Variants in RSF1 observed in about 807,000 individuals in gnomAD.
RSF1 encodes the protein HBV pX-associated protein 8.
RSF1 carries 13 observed loss-of-function variants against 145.2 expected under a neutral mutation model. The ratio of observed to expected loss-of-function variants is 0.09; its 90% CI spans 0.06 to 0.14. The LOEUF is 0.14. Among genes scored for constraint, RSF1 ranks in the 10% least tolerant of loss-of-function variants. RSF1 has a pLI of 1.00. For synonymous variants in RSF1, 577 were observed against 592.6 expected (o/e 0.97, Z 0.38); for missense variants, 1,517 against 1,718.2 (o/e 0.88, Z 2.07).
At chr11:77,698,780 A>G (rs894306010) in intron 6 of RSF1, 87 bp from the exon 7 acceptor site, 5 of 1,111,714 alleles carry the variant, frequency 4.5e-6, no homozygotes, top group Non-Finnish European at 6.7e-6. Flanking sequence ...GTATAATAAT[A>G]TTCAGCCAAT....
chr11:77,804,528 T>A (rs1948658106), intron 1 of RSF1, among the ~76,000 whole-genome samples: 1 of 152,164 alleles, frequency 6.6e-6, no homozygotes, highest in Admixed American at 6.5e-5. Context: ...CAGGTCTATA[T>A]AAGCACATGG....
the RSF1 span, among the ~76,000 whole-genome samples, chr11:77,845,682 G>A: frequency 6.6e-5 from 10 of 152,052 alleles, no homozygotes; most frequent in African/African-American, 1.7e-4. Flanking sequence ...CACCCACCTC[G>A]GCCTCCCAAA....
chr11:77,752,310 C>A (rs1948071094), intron 2 of RSF1, among the ~76,000 whole-genome samples: 1 of 152,170 alleles, frequency 6.6e-6, no homozygotes, highest in South Asian at 2.1e-4. Flanking sequence ...CTCCATCTTC[C>A]CTTTTTTGTT....
At chr11:77,727,831 G>T (rs1565161841) in intron 4 of RSF1, among the ~76,000 whole-genome samples, 1 of 152,002 alleles carries the variant, frequency 6.6e-6, no homozygotes, top group Non-Finnish European at 1.5e-5. Flanking sequence ...ATTTATTAAA[G>T]AACAACTCCC....
chr11:77,677,922 A>G (rs756527036), intron 12 of RSF1, among the ~76,000 whole-genome samples, 164 bp downstream of exon 12: 5 of 152,232 alleles, frequency 3.3e-5, no homozygotes, highest in Non-Finnish European at 7.3e-5. Flanking sequence ...ATACACTGAC[A>G]TTGTATCCAC....
intron 1 of RSF1, among the ~76,000 whole-genome samples, chr11:77,793,627 C>T (rs1483607067): frequency 6.6e-6 from 1 of 152,180 alleles, no homozygotes; most frequent in Non-Finnish European, 1.5e-5. Context: ...AGTAGCTAAA[C>T]ATATATCAGA....
the RSF1 span, among the ~76,000 whole-genome samples, chr11:77,863,616 T>C: frequency 6.2e-4 from 95 of 152,292 alleles, no homozygotes; most frequent in African/African-American, 2.0e-3. Flanking sequence ...CTTGAACTCC[T>C]GGCCTCAAGA....
At chr11:77,826,401 T>G in the RSF1 span, among the ~76,000 whole-genome samples, 3 of 152,112 alleles carry the variant, frequency 2.0e-5, no homozygotes, top group South Asian at 4.2e-4. Context: ...TTATTATGTT[T>G]TATGTCTTTT....
At chr11:77,832,410 T>G in the RSF1 span, among the ~76,000 whole-genome samples, 1 of 151,440 alleles carries the variant, frequency 6.6e-6, no homozygotes, top group Non-Finnish European at 1.5e-5. Flanking sequence ...CGCTGCAACC[T>G]CCGCCTCCCG....
Position 77,676,940 on chromosome 11 carries a change from T to C in RSF1, c.3193A>G (p.Thr1065Ala), listed in dbSNP as rs975181396. ...ITGHRGKDIS[T>A]ILDEERKENK... ...TCTTTTCTTTCTTCATCCAAAATAG[T>C]AGAGATGTCTTTCCCACGATGACCT... Residue 1065 changes from threonine (T) to alanine (A), a missense_variant, in exon 13 of 16, where the codon ACT (threonine) becomes GCT (alanine). Coordinates refer to ENST00000308488, the MANE Select transcript of RSF1 (RefSeq NM_016578.4). 3.1e-6 allele frequency: 5 copies of C among 1,611,194 alleles called. No homozygotes were observed. Among genetic ancestry groups the C allele is most frequent in the Non-Finnish European group, 4.2e-6 (5 of 1,178,542 alleles).
intron 5 of RSF1, among the ~76,000 whole-genome samples, chr11:77,707,038 A>G (rs1695392519): frequency 1.3e-5 from 2 of 152,152 alleles, no homozygotes; most frequent in Admixed American, 1.3e-4. Flanking sequence ...ATTTTATCTG[A>G]TCCTTTCCCT....
the RSF1 span, chr11:77,831,862 ATTT>A: frequency 5.6e-4 from 45 of 80,802 alleles, no homozygotes; most frequent in Middle Eastern, 6.0e-3. Flanking sequence ...TGCCTGGCTA[ATTT>A]TTTTTTTTTT....
intron 2 of RSF1, among the ~76,000 whole-genome samples, chr11:77,757,605 G>A (rs1948128661): frequency 6.6e-6 from 1 of 152,134 alleles, no homozygotes. Context: ...TTGAACCCGG[G>A]AAGCGGAGGT....
At chr11:77,733,025 T>C (rs1426607724) in intron 4 of RSF1, among the ~76,000 whole-genome samples, 2 of 152,228 alleles carry the variant, frequency 1.3e-5, no homozygotes, top group African/African-American at 2.4e-5. Context: ...AGAATAAAGA[T>C]GCTATGAACA....
chr11:77,763,771 TG>T (rs1948198906), intron 2 of RSF1: 1 of 152,098 alleles, frequency 6.6e-6, no homozygotes, highest in South Asian at 2.1e-4. Flanking sequence ...AACAAACTGG[TG>T]GGAAGGTACT....
At chr11:77,756,901 A>C (rs1458965661) in intron 2 of RSF1, among the ~76,000 whole-genome samples, 1 of 152,212 alleles carries the variant, frequency 6.6e-6, no homozygotes, top group East Asian at 1.9e-4. Flanking sequence ...CAGAATCCAG[A>C]GAGGAAGAGA....
chr11:77,764,736 T>C (rs750553159), intron 1 of RSF1, 47 bp from the exon 2 acceptor site: 1 of 1,116,292 alleles, frequency 9.0e-7, no homozygotes. Flanking sequence ...AATAAAACAA[T>C]TCTAAACATT....
At chr11:77,696,312 A>G (rs900189865) in intron 7 of RSF1, among the ~76,000 whole-genome samples, 3 of 152,202 alleles carry the variant, frequency 2.0e-5, no homozygotes, top group Non-Finnish European at 4.4e-5. Flanking sequence ...ATTTTGACTA[A>G]AACATCTGGA....
intron 1 of RSF1, among the ~76,000 whole-genome samples, chr11:77,796,403 C>A (rs1590892286): frequency 6.6e-6 from 1 of 152,208 alleles, no homozygotes; most frequent in Admixed American, 6.5e-5. Context: ...GAACCAATGA[C>A]AAAAATTACA....
Sources: allele counts gnomAD v4.1 joint callset (sites outside exome capture counted in the v4.1 genomes callset), GRCh38; gene constraint gnomAD v4.1.1; transcripts MANE v1.5; gene names NCBI Gene and HGNC (gene_info 2026-07-23, HGNC 2026-07-21).